The following GMDS variants were observed in gnomAD, a reference collection of about 807,000 sequenced individuals.
The protein encoded by GMDS is GDP-mannose 4,6-dehydratase, also known as GDP-mannose 4,6 dehydratase.
A neutral mutation model predicts 49.9 loss-of-function variants in GMDS; 20 were observed. The observed-to-expected ratio is 0.40, with a 90% CI of 0.28 to 0.58. GMDS has a LOEUF of 0.58. Ranked by LOEUF, GMDS falls within the 20% of genes least tolerant of loss-of-function variation. The pLI, the probability that GMDS is intolerant of heterozygous loss-of-function variation, is 0.42. For synonymous variants in GMDS, 177 were observed against 178.6 expected, an observed-to-expected ratio of 0.99 and a Z score of 0.07; for missense variants, 362 against 481.4, an observed-to-expected ratio of 0.75 and a Z score of 2.32.
intron 4 of GMDS, among the ~76,000 whole-genome samples, chr6:2,074,668 T>G (rs1401447075): frequency 6.6e-6 from 1 of 152,276 alleles, no homozygotes; most frequent in South Asian, 2.1e-4. Flanking sequence ...TTTTAAAAAA[T>G]TAATTATTTA....
chr6:1,688,076 CGGCTTTGTTTAGCGG>C (rs1233255826), intron 9 of GMDS, among the ~76,000 whole-genome samples: 1 of 152,074 alleles, frequency 6.6e-6, no homozygotes, highest in Non-Finnish European at 1.5e-5. Flanking sequence ...GAGAGGATGG[CGGCTTTGTTTAGCGG>C]GGCTTGGGAG....
At chr6:1,769,359 A>G (rs1768484792) in intron 7 of GMDS, among the ~76,000 whole-genome samples, 1 of 152,228 alleles carries the variant, frequency 6.6e-6, no homozygotes, top group South Asian at 2.1e-4. Flanking sequence ...AATAAAGAAA[A>G]TGACACTTTA....
At position 1,960,967 on chromosome 6, in the gene GMDS, C is replaced by A; in HGVS notation, c.346-1G>T. ...TGTACTCAGCGAGGTCAAAGGAAAT[C>A]TGGAAAAAGCAGGCGGAGACAGGGC... On this transcript the variant is annotated splice_acceptor_variant, in intron 4 of 10. Transcript: ENST00000380815. LOFTEE classifies it high-confidence loss of function. 6.6e-7 allele frequency: 1 copy of A among 1,515,720 alleles called. No homozygotes were observed. Among genetic ancestry groups the A allele is most frequent in the Non-Finnish European group, 9.0e-7 (1 of 1,112,188 alleles). 93.9% of individuals were successfully genotyped at this position (1,515,720 alleles called of 1,614,324 possible).
Position 1,652,939 on chromosome 6 carries a change from T to C in GMDS, c.988-28399A>G, listed in dbSNP as rs553946593. On this transcript the variant is annotated intron_variant, in intron 9 of 10. Transcript: ENST00000380815. ...CTCCTGGGTCACGTGTGTCTGTGTA[T>C]GTCCCTCTCGATCCCTCAGGCCTGC... 2.5e-3 allele frequency among the ~76,000 whole-genome samples: 379 copies of C among 148,982 alleles called. 1 individual carries two copies. The highest frequency in any genetic ancestry group is 9.3e-3 in the African/African-American group (373 of 40,204).
At chr6:2,036,530 G>A (rs745376179) in intron 4 of GMDS, among the ~76,000 whole-genome samples, 8 of 152,164 alleles carry the variant, frequency 5.3e-5, no homozygotes, top group Non-Finnish European at 1.0e-4. Flanking sequence ...CTAGGCTTTA[G>A]CAATCCATAC....
chr6:2,213,814 T>A (rs185577092), intron 1 of GMDS, among the ~76,000 whole-genome samples: 4 of 152,080 alleles, frequency 2.6e-5, no homozygotes, highest in African/African-American at 7.2e-5. Context: ...CTCTTCAGAG[T>A]TTCTGATTAA....
At chr6:2,243,579 C>T (rs758014374) in intron 1 of GMDS, among the ~76,000 whole-genome samples, 2 of 152,106 alleles carry the variant, frequency 1.3e-5, no homozygotes, top group Non-Finnish European at 2.9e-5. Flanking sequence ...CATTAGAAAA[C>T]AAAGAGAAGG....
chr6:2,184,818 G>A (rs1054209150), intron 1 of GMDS, among the ~76,000 whole-genome samples: 4 of 152,188 alleles, frequency 2.6e-5, no homozygotes, highest in African/African-American at 9.7e-5. Flanking sequence ...TGTTTTCTGT[G>A]TTTATACCAT....
intron 4 of GMDS, among the ~76,000 whole-genome samples, chr6:2,058,101 A>G (rs1016487662): frequency 9.2e-5 from 14 of 152,122 alleles, no homozygotes; most frequent in African/African-American, 3.4e-4. Flanking sequence ...GCTCATGCCT[A>G]TAATCCCAGC....
intron 9 of GMDS, among the ~76,000 whole-genome samples, chr6:1,689,047 G>A (rs1300804137): frequency 2.6e-5 from 4 of 152,152 alleles, no homozygotes; most frequent in South Asian, 2.1e-4. Flanking sequence ...GCTCTGAAAC[G>A]ATAACCTTTG....
chr6:1,839,907 G>A (rs182104298), intron 7 of GMDS, among the ~76,000 whole-genome samples: 17 of 152,224 alleles, frequency 1.1e-4, no homozygotes, highest in Admixed American at 2.0e-4. Flanking sequence ...TTTCGTCTTC[G>A]GCTCGCAATC....
intron 9 of GMDS, among the ~76,000 whole-genome samples, chr6:1,661,236 C>T (rs76074379): frequency 0.01 from 1,543 of 152,222 alleles, 23 homozygotes; most frequent in African/African-American, 0.035. Flanking sequence ...CCTCATGGGT[C>T]GTGCCATAGA....
At chr6:1,970,882 G>A (rs1764566591) in intron 4 of GMDS, among the ~76,000 whole-genome samples, 1 of 151,726 alleles carries the variant, frequency 6.6e-6, no homozygotes. Context: ...GGGATGATAG[G>A]TGCAGCCAAC....
intron 4 of GMDS, among the ~76,000 whole-genome samples, chr6:1,967,820 T>C (rs545073432): frequency 3.9e-5 from 6 of 152,228 alleles, no homozygotes; most frequent in Non-Finnish European, 2.9e-5. Flanking sequence ...CATTCAAAGA[T>C]ACAAACAGAT....
intron 4 of GMDS, among the ~76,000 whole-genome samples, chr6:2,112,554 C>T (rs1774607793): frequency 6.6e-6 from 1 of 152,140 alleles, no homozygotes; most frequent in Non-Finnish European, 1.5e-5. Context: ...AGAGGCCTGG[C>T]AACCCACAAA....
At chr6:1,937,832 A>G (rs922106914) in intron 6 of GMDS, among the ~76,000 whole-genome samples, 1 of 152,188 alleles carries the variant, frequency 6.6e-6, no homozygotes, top group African/African-American at 2.4e-5. Context: ...GGATGTGGAC[A>G]TATCTTTCTG....
At chr6:2,197,391 T>C (rs1779320523) in intron 1 of GMDS, among the ~76,000 whole-genome samples, 2 of 152,118 alleles carry the variant, frequency 1.3e-5, no homozygotes, top group South Asian at 2.1e-4. Flanking sequence ...CTGAGGAAGG[T>C]AGATAGTTTC....
At chr6:1,885,736 C>T (rs560927703) in intron 7 of GMDS, among the ~76,000 whole-genome samples, 35 of 152,308 alleles carry the variant, frequency 2.3e-4, no homozygotes, top group Admixed American at 7.2e-4. Flanking sequence ...CGGGACATCG[C>T]TCCTCCTCTG....
At chr6:2,104,585 G>A (rs1051243479) in intron 4 of GMDS, among the ~76,000 whole-genome samples, 1 of 151,788 alleles carries the variant, frequency 6.6e-6, no homozygotes, top group Non-Finnish European at 1.5e-5. Context: ...AAGCTTTAGG[G>A]ATAATTTGCT....
Sources: allele counts gnomAD v4.1 joint callset (sites outside exome capture counted in the v4.1 genomes callset), GRCh38; gene constraint gnomAD v4.1.1; transcripts MANE v1.5; gene names NCBI Gene and HGNC (gene_info 2026-07-23, HGNC 2026-07-21).